DERL1: variants seen among roughly 807,000 people sequenced by gnomAD.
The protein encoded by DERL1 is derlin 1.
DERL1 carries 24 observed loss-of-function variants against 41.6 expected under a neutral mutation model. The ratio of observed to expected loss-of-function variants is 0.58; its 90% CI spans 0.42 to 0.81. The LOEUF (loss-of-function observed/expected upper bound fraction) is 0.81. Ranked by LOEUF, DERL1 falls within the 30% of genes least tolerant of loss-of-function variation. The pLI, the probability that DERL1 is intolerant of heterozygous loss-of-function variation, is 0.00. For missense variants in DERL1, 260 were observed against 314.3 expected (o/e 0.83, Z 1.31); for synonymous variants, 124 against 112.5 (o/e 1.10, Z -0.65).
Position 123,014,313 on chromosome 8 carries a change from C to A in DERL1, c.*1134G>T, listed in dbSNP as rs571922545. The A allele has an allele frequency of 1.2e-4, 18 of 152,780 alleles. No homozygotes were observed. The highest frequency in any genetic ancestry group is 1.0e-3 in the Admixed American group (16 of 15,298). 9.5% of individuals were successfully genotyped at this position (152,780 alleles called of 1,614,324 possible). A position where few individuals can be genotyped will look rare whatever the true frequency, so the allele number is the denominator to read the frequency against. On this transcript the variant is annotated 3_prime_UTR_variant, in exon 8 of 8. Coordinates refer to ENST00000259512, the MANE Select transcript of DERL1 (RefSeq NM_024295.6). Reference sequence around the variant, plus strand: ...CCAAATGATTCTAAAGCCATTTCAACCTTAAATCATGTTATTCCCTTAGAT... The same window carrying A: ...CCAAATGATTCTAAAGCCATTTCAAACTTAAATCATGTTATTCCCTTAGAT...
At chr8:123,037,852 T>C (rs1281637734) in intron 1 of DERL1, among the ~76,000 whole-genome samples, 4 of 152,036 alleles carry the variant, frequency 2.6e-5, no homozygotes, top group East Asian at 1.9e-4. Context: ...TCCAAAGAAA[T>C]GAAGAAATAT....
chr8:123,039,912 T>C (rs1319472232), intron 1 of DERL1, among the ~76,000 whole-genome samples: 1 of 152,170 alleles, frequency 6.6e-6, no homozygotes, highest in Non-Finnish European at 1.5e-5. Flanking sequence ...AAGGGTAATA[T>C]GTAGCAAGAA....
chr8:123,023,657 A>G (rs1171298221), intron 4 of DERL1, 56 bp downstream of exon 4: 1 of 1,569,056 alleles, frequency 6.4e-7, no homozygotes, highest in Admixed American at 1.8e-5. Flanking sequence ...AAAGGCCACT[A>G]ATAGTATATT....
intron 1 of DERL1, among the ~76,000 whole-genome samples, chr8:123,034,161 C>T (rs1331412627): frequency 2.0e-5 from 3 of 152,172 alleles, no homozygotes; most frequent in East Asian, 1.9e-4. Context: ...ACGTCAGTCA[C>T]GGGGACTGGC....
At chr8:123,019,104 G>A (rs191540583) in intron 7 of DERL1, 91 bp downstream of exon 7, 34 of 867,430 alleles carry the variant, frequency 3.9e-5, no homozygotes, top group African/African-American at 1.5e-4. Context: ...TGGGGCATAG[G>A]GGTAAATCAT....
At chr8:123,033,915 C>CA (rs1812869346) in intron 1 of DERL1, among the ~76,000 whole-genome samples, 1 of 152,152 alleles carries the variant, frequency 6.6e-6, no homozygotes. Context: ...GAAATGGCAG[C>CA]AAAATGCTGG....
At chr8:123,040,483 A>G in intron 1 of DERL1, among the ~76,000 whole-genome samples, 1 of 152,324 alleles carries the variant, frequency 6.6e-6, no homozygotes, top group East Asian at 1.9e-4. Flanking sequence ...CTAAGGTACA[A>G]GTTGGAGAGT....
intron 4 of DERL1, among the ~76,000 whole-genome samples, chr8:123,023,150 A>G (rs942853376): frequency 5.3e-5 from 8 of 152,200 alleles, no homozygotes; most frequent in African/African-American, 1.2e-4. Flanking sequence ...CTAGACAACC[A>G]TTATTGTCAA....
At chr8:123,021,108 T>C (rs1814752914) in intron 6 of DERL1, among the ~76,000 whole-genome samples, 1 of 152,206 alleles carries the variant, frequency 6.6e-6, no homozygotes, top group South Asian at 2.1e-4. Context: ...AGTAATTTTA[T>C]ACATAGCTCT....
chr8:123,021,600 T>C, intron 5 of DERL1, 101 bp from the exon 6 acceptor site: 1 of 1,053,774 alleles, frequency 9.5e-7, no homozygotes. Context: ...ACAAGGGCTT[T>C]ATATAAATCC....
intron 1 of DERL1, among the ~76,000 whole-genome samples, chr8:123,039,651 G>C (rs938589110): frequency 6.6e-6 from 1 of 152,116 alleles, no homozygotes; most frequent in African/African-American, 2.4e-5. Flanking sequence ...TTTCTGGGTG[G>C]AACACCCTAT....
chr8:123,037,980 TTTGA>T lies in DERL1; in HGVS notation c.153+3986_153+3989del, dbSNP rs1812963908. ...GAAGACATTTCATTATTGTGAACTA[TTTGA>T]TTGATGAACATAAATCTGAGGGACT... On this transcript the variant is annotated intron_variant, in intron 1 of 7. Transcript: ENST00000259512. Among the ~76,000 whole-genome samples the T allele has an allele frequency of 5.9e-5, 9 of 152,314 alleles. No individual in the cohort carries two copies. The South Asian group carries it at 1.9e-3, about 32-fold the overall frequency.
chr8:123,042,218 G>A lies in DERL1; in HGVS notation c.-96C>T. 3.6e-6 allele frequency: 5 copies of A among 1,406,050 alleles called. No homozygotes were observed. Among genetic ancestry groups the A allele is most frequent in the South Asian group, 1.5e-5 (1 of 67,006 alleles). 87.1% of individuals were successfully genotyped at this position (1,406,050 alleles called of 1,614,324 possible). On this transcript the variant is annotated 5_prime_UTR_variant, in exon 1 of 8. Coordinates refer to ENST00000259512, the MANE Select transcript of DERL1 (RefSeq NM_024295.6). ...CGGCTCCGCGACTGTTAGGTGTCTA[G>A]GTGGAAGCCGCCGAAGCCGCGATGC...
chr8:123,028,276 G>T (rs1376262889), intron 2 of DERL1, among the ~76,000 whole-genome samples: 1 of 152,084 alleles, frequency 6.6e-6, no homozygotes, highest in Non-Finnish European at 1.5e-5. Context: ...TATTAGAGGT[G>T]ATAACCATTA....
At chr8:123,022,895 A>G in intron 4 of DERL1, 116 bp from the exon 5 acceptor site, 1 of 691,582 alleles carries the variant, frequency 1.4e-6, no homozygotes, top group Admixed American at 2.4e-5. Flanking sequence ...GTAAAGGGAA[A>G]CTCAACTGAT....
At chr8:123,017,564 G>A (rs1335861785) in intron 7 of DERL1, 1 of 152,174 alleles carries the variant, frequency 6.6e-6, no homozygotes, top group Admixed American at 6.5e-5. Flanking sequence ...AGCAGTTACT[G>A]CTTTTGCAAG....
intron 6 of DERL1, among the ~76,000 whole-genome samples, chr8:123,020,962 G>C (rs765994028): frequency 7.1e-6 from 1 of 140,020 alleles, no homozygotes; most frequent in East Asian, 2.1e-4. Flanking sequence ...GTGAAACTTC[G>C]TCTCAAAAAA....
chr8:123,033,732 A>T (rs919137370), intron 1 of DERL1, among the ~76,000 whole-genome samples: 1 of 152,198 alleles, frequency 6.6e-6, no homozygotes, highest in African/African-American at 2.4e-5. Context: ...AACAAGAGCG[A>T]AACTATGTCT....
chr8:123,019,519 C>T (rs941676645), intron 6 of DERL1, among the ~76,000 whole-genome samples: 2 of 152,188 alleles, frequency 1.3e-5, no homozygotes, highest in Admixed American at 1.3e-4. Flanking sequence ...GCCTGCCACT[C>T]TTCAAGGCCA....
Sources: gnomAD v4.1 joint callset for allele counts (sites outside exome capture counted in the v4.1 genomes callset) on GRCh38, gnomAD v4.1.1 for gene constraint, MANE v1.5 for transcripts, NCBI Gene and HGNC (gene_info 2026-07-23, HGNC 2026-07-21) for gene names.